RHOBTB1: variants seen among roughly 807,000 people sequenced by gnomAD.
RHOBTB1 encodes rho-related BTB domain-containing protein 1.
RHOBTB1 carries 40 observed loss-of-function variants against 71.6 expected under a neutral mutation model. The observed-to-expected ratio is 0.56, with a 90% CI of 0.43 to 0.73. RHOBTB1 has a LOEUF of 0.73. RHOBTB1 is among the 30% of genes least tolerant of loss of function. RHOBTB1 has a pLI of 0.00. For synonymous variants in RHOBTB1, 319 were observed against 334.9 expected (o/e 0.95, Z 0.52); for missense variants, 797 against 894.0 (o/e 0.89, Z 1.38).
chr10:60,866,198 G>A (rs2080634912), downstream of RHOBTB1, among the ~76,000 whole-genome samples: 1 of 152,160 alleles, frequency 6.6e-6, no homozygotes, highest in Admixed American at 6.5e-5. Flanking sequence ...CCAAGGAATG[G>A]GAATTGGCTA....
At chr10:60,923,450 C>A in intron 2 of RHOBTB1, among the ~76,000 whole-genome samples, 1 of 152,154 alleles carries the variant, frequency 6.6e-6, no homozygotes, top group African/African-American at 2.4e-5. Context: ...GGCAACAGTA[C>A]ATAGTAGACT....
upstream of RHOBTB1, among the ~76,000 whole-genome samples, chr10:60,945,137 A>C (rs985338379): frequency 6.6e-6 from 1 of 152,190 alleles, no homozygotes; most frequent in Non-Finnish European, 1.5e-5. Context: ...GTGACAGTGA[A>C]AGCAAACAAC....
chr10:60,864,253 C>T, the RHOBTB1 span, among the ~76,000 whole-genome samples: 4 of 152,116 alleles, frequency 2.6e-5, no homozygotes, highest in Non-Finnish European at 4.4e-5. Context: ...CCCCATAAGG[C>T]GCGGTTGTGG....
intron 1 of RHOBTB1, among the ~76,000 whole-genome samples, chr10:60,991,169 G>A (rs978772413): frequency 3.5e-4 from 53 of 152,020 alleles, no homozygotes; most frequent in African/African-American, 1.2e-3. Context: ...CTTCCCCCTT[G>A]CCAACCCATA....
At chr10:60,898,182 A>G (rs2082251016) in intron 4 of RHOBTB1, among the ~76,000 whole-genome samples, 1 of 152,102 alleles carries the variant, frequency 6.6e-6, no homozygotes, top group African/African-American at 2.4e-5. Context: ...TTGTGGTCAC[A>G]TTTTAATGGG....
chr10:60,888,858 G>A lies in RHOBTB1; in HGVS notation c.810C>T (p.Phe270=). ...AGATGTGTTCCTGGTCCTGAAGGAT[G>A]AACAGAACATCGGCACATAGAGGAT... The part of the protein sequence containing the change: ...LDNPLCADVL[F]ILQDQEHIFA... The change falls in exon 6 of 11, where the codon TTC becomes TTT. Residue 270 remains phenylalanine, a synonymous_variant. Coordinates refer to ENST00000337910, the MANE Select transcript of RHOBTB1 (RefSeq NM_014836.5). The A allele has an allele frequency of 6.2e-7, 1 of 1,614,202 alleles. No homozygotes were observed. The highest frequency in any genetic ancestry group is 8.5e-7 in the Non-Finnish European group (1 of 1,180,024).
At chr10:60,947,851 A>C (rs2134352827), upstream of RHOBTB1, among the ~76,000 whole-genome samples, 1 of 152,326 alleles carries the variant, frequency 6.6e-6, no homozygotes, top group Non-Finnish European at 1.5e-5. Flanking sequence ...TGAATACTGA[A>C]GAATGCAATT....
intron 4 of RHOBTB1, among the ~76,000 whole-genome samples, chr10:60,903,422 C>G (rs768509562): frequency 2.0e-5 from 3 of 152,092 alleles, no homozygotes; most frequent in Non-Finnish European, 4.4e-5. Flanking sequence ...AACTCGGCAC[C>G]CAATTTCTAG....
chr10:60,911,469 A>G lies in RHOBTB1; in HGVS notation c.74T>C (p.Val25Ala). Residue 25 changes from valine to alanine, a missense_variant, in exon 3 of 11, where the codon GTG (valine) becomes GCG (alanine). Coordinates refer to ENST00000337910, the MANE Select transcript of RHOBTB1 (RefSeq NM_014836.5). ...IKCVVVGDNA[V>A]GKTRLICARA... ...GGCACAGATCAAGCGCGTCTTCCCC[A>G]CGGCATTGTCACCCACGACCACACA... The G allele has an allele frequency of 2.5e-6, 4 of 1,614,116 alleles. No individual in the cohort carries two copies. The highest frequency in any genetic ancestry group is 3.4e-6 in the Non-Finnish European group (4 of 1,180,022).
chr10:60,984,127 G>A (rs2086588690), intron 2 of RHOBTB1, among the ~76,000 whole-genome samples: 1 of 152,052 alleles, frequency 6.6e-6, no homozygotes, highest in South Asian at 2.1e-4. Context: ...AATTGGGTAG[G>A]CAAGATCAAC....
chr10:60,877,630 T>A (rs1433941162), intron 8 of RHOBTB1, among the ~76,000 whole-genome samples: 1 of 152,218 alleles, frequency 6.6e-6, no homozygotes, highest in East Asian at 1.9e-4. Flanking sequence ...TGATTCAGCA[T>A]GCATACAGCG....
chr10:60,987,919 CTTTTTTTT>C lies in RHOBTB1; in HGVS notation c.-162-1982_-162-1975del, dbSNP rs71018937. ...GCTGTCTGCTGTCTGAAATACTCAA[CTTTTTTTT>C]TTTTTTTTTTTTTTTTTTTTTTTTA... On this transcript the variant is annotated intron_variant, in intron 1 of 11. Transcript: ENST00000357917. 9.2e-3 allele frequency among the ~76,000 whole-genome samples: 496 copies of C among 53,726 alleles called. 5 individuals are homozygous for C. Among genetic ancestry groups the C allele is most frequent in the African/African-American group, 0.034 (467 of 13,750 alleles). 35.2% of individuals were successfully genotyped at this position (53,726 alleles called of 152,430 possible). A position where few individuals can be genotyped will look rare whatever the true frequency, so the allele number is the denominator to read the frequency against.
At chr10:60,924,431 A>T (rs1257488306) in intron 2 of RHOBTB1, among the ~76,000 whole-genome samples, 2 of 152,220 alleles carry the variant, frequency 1.3e-5, no homozygotes, top group African/African-American at 4.8e-5. Context: ...TTATATAATG[A>T]CAAAGGGGTC....
At chr10:60,920,907 T>C (rs913019818) in intron 2 of RHOBTB1, among the ~76,000 whole-genome samples, 1 of 151,994 alleles carries the variant, frequency 6.6e-6, no homozygotes, top group African/African-American at 2.4e-5. Context: ...TCCTCCCACC[T>C]TGGCCTCCCA....
intron 2 of RHOBTB1, among the ~76,000 whole-genome samples, chr10:60,963,414 T>C (rs897823815): frequency 1.3e-5 from 2 of 152,192 alleles, no homozygotes; most frequent in African/African-American, 4.8e-5. Flanking sequence ...AAGAGGCTTT[T>C]AGGGCAACCC....
At chr10:60,895,314 G>T (rs1034636118) in intron 4 of RHOBTB1, among the ~76,000 whole-genome samples, 2 of 151,916 alleles carry the variant, frequency 1.3e-5, no homozygotes, top group African/African-American at 4.8e-5. Context: ...TCAGAAAAAA[G>T]GTCTTCTTTT....
chr10:60,917,680 C>T (rs530349030), intron 2 of RHOBTB1, among the ~76,000 whole-genome samples: 21 of 152,172 alleles, frequency 1.4e-4, no homozygotes, highest in African/African-American at 2.6e-4. Flanking sequence ...TCCAACAGCC[C>T]GCCTCTTAAT....
At chr10:60,996,218 ACT>A (rs1286975843) in intron 1 of RHOBTB1, among the ~76,000 whole-genome samples, 1 of 151,952 alleles carries the variant, frequency 6.6e-6, no homozygotes, top group Admixed American at 6.6e-5. Flanking sequence ...ATCAATGAAG[ACT>A]CTTTATTTTC....
chr10:60,978,610 T>A (rs2086391676), intron 2 of RHOBTB1, among the ~76,000 whole-genome samples: 1 of 152,166 alleles, frequency 6.6e-6, no homozygotes. Flanking sequence ...CTCAAGGCTA[T>A]CAAGCTGCTC....
Sources: allele counts gnomAD v4.1 joint callset (sites outside exome capture counted in the v4.1 genomes callset), GRCh38; gene constraint gnomAD v4.1.1; transcripts MANE v1.5; gene names NCBI Gene and HGNC (gene_info 2026-07-23, HGNC 2026-07-21).